TSPOAP1: variants seen among roughly 807,000 people sequenced by gnomAD.
The protein encoded by TSPOAP1 is TSPO associated protein 1.
In TSPOAP1, 87 loss-of-function variants were observed where a neutral mutation model predicts 197.0. That is an observed-to-expected ratio of 0.44 (90% CI 0.37 to 0.53). The LOEUF (loss-of-function observed/expected upper bound fraction) is 0.53, where lower values mean the gene tolerates loss of function less well. Ranked by LOEUF, TSPOAP1 falls within the 20% of genes least tolerant of loss-of-function variation. TSPOAP1 has a pLI of 0.00. For synonymous variants in TSPOAP1, 913 were observed against 998.9 expected, an observed-to-expected ratio of 0.91 and a Z score of 1.62; for missense variants, 2,174 against 2,411.3, an observed-to-expected ratio of 0.90 and a Z score of 2.06.
rs1430666925 is a variant in TSPOAP1 at position 58,309,481 on chromosome 17, G to T, written c.3892-101C>A. On this transcript the variant is annotated intron_variant, in intron 21 of 31. Coordinates refer to ENST00000343736, the MANE Select transcript of TSPOAP1 (RefSeq NM_004758.4). This position sits in a 1 kb window ranked among gnomAD's most constrained non-coding sequence, Gnocchi z 5.0. ...ATCTTTGCCCTCAAACGAAGGCAGG[G>T]GTTACGGACAACCCCACAGCCCTCC... 1 of 1,457,410 alleles carries T rather than the reference G, an allele frequency of 6.9e-7. No individual in the cohort carries two copies. Among genetic ancestry groups the T allele is most frequent in the East Asian group, 2.4e-5 (1 of 42,138 alleles). The allele number at this position is 1,457,410 out of a possible 1,614,324, so 90.3% of individuals were successfully genotyped here.
chr17:58,324,445 C>T lies in TSPOAP1; in HGVS notation c.942+366G>A, dbSNP rs1000021468. Reference sequence around the variant, plus strand: ...AGGCGGGCGCTGACGGGGGCGTCCCCGCTCTACGGCGGCGGCGGGAGGAGG... The same window carrying T: ...AGGCGGGCGCTGACGGGGGCGTCCCTGCTCTACGGCGGCGGCGGGAGGAGG... On this transcript the variant is annotated intron_variant, in intron 5 of 31. Transcript: ENST00000343736. This position sits in a 1 kb window ranked among gnomAD's most constrained non-coding sequence, Gnocchi z 5.8. 1.3e-5 allele frequency among the ~76,000 whole-genome samples: 2 copies of T among 151,930 alleles called. No individual in the cohort carries two copies. Among genetic ancestry groups the T allele is most frequent in the African/African-American group, 2.4e-5 (1 of 41,410 alleles).
chr17:58,325,833 A>G, intron 3 of TSPOAP1, 120 bp from the exon 4 acceptor site: 1 of 1,087,858 alleles, frequency 9.2e-7, no homozygotes, highest in Non-Finnish European at 1.3e-6. Context: ...ACCTGCTTCC[A>G]CCTTGACTGG....
At position 58,306,405 on chromosome 17, in the gene TSPOAP1, G is replaced by A; in HGVS notation, c.5161C>T (p.Pro1721Ser). The change falls in exon 26 of 32, where the codon CCG (proline) becomes TCG (serine). Residue 1721 changes from proline to serine, a missense_variant. Transcript: ENST00000343736. ...DILLEGSGNG[P>S]FVYSTAHTTG... The stretch of plus-strand genomic sequence containing the variant: ...GTGTGGGCTGTGGAGTACACAAACG[G>A]ACCATTCCCTGATCCAGAAAAGCAG... The A allele has an allele frequency of 1.9e-6, 3 of 1,555,238 alleles. No homozygotes were observed. The South Asian group carries it at 3.6e-5, about 18-fold the overall frequency.
At chr17:58,308,462 G>C in intron 22 of TSPOAP1, 79 bp downstream of exon 22, 1 of 1,481,878 alleles carries the variant, frequency 6.7e-7, no homozygotes, top group Non-Finnish European at 8.9e-7. Context: ...GCGTGGAATG[G>C]GAGCTGCTGG....
rs1289604162 is a variant in TSPOAP1, at chr17:58,305,881, G to A, written c.5225-16C>T. The A allele has an allele frequency of 6.2e-7, 1 of 1,611,582 alleles. No homozygotes were observed. Among genetic ancestry groups the A allele is most frequent in the Admixed American group, 1.7e-5 (1 of 59,942 alleles). ...TCCGACTCAGCTGTGGAAAGAATGTGCCTGTGAGCCCCCTCCCACCCTGCC... is the reference window on the plus strand; with the variant it reads ...TCCGACTCAGCTGTGGAAAGAATGTACCTGTGAGCCCCCTCCCACCCTGCC... On this transcript the variant is annotated splice_polypyrimidine_tract_variant and intron_variant, in intron 26 of 31. Coordinates refer to ENST00000343736, the MANE Select transcript of TSPOAP1 (RefSeq NM_004758.4).
In TSPOAP1 at chr17:58,306,793, G is replaced by A. The variant is rs745817893; in HGVS notation, c.5152+7C>T. The A allele has an allele frequency of 1.2e-6, 2 of 1,610,978 alleles. No homozygotes were observed. The highest frequency in any genetic ancestry group is 1.7e-6 in the Non-Finnish European group (2 of 1,177,802). On this transcript the variant is annotated splice_region_variant and intron_variant, in intron 25 of 31. Coordinates refer to ENST00000343736, the MANE Select transcript of TSPOAP1 (RefSeq NM_004758.4). ...GGAGGTGGGTGAGGGACAGCAGCAG[G>A]TCATACCTGAGCCCTCAAGGAGAAT...
chr17:58,317,977 T>A (rs893562378), intron 14 of TSPOAP1, among the ~76,000 whole-genome samples: 1 of 152,208 alleles, frequency 6.6e-6, no homozygotes. Flanking sequence ...AACAGTCTCA[T>A]TATGCAGATC....
At chr17:58,318,950 C>G (rs1298925124) in intron 13 of TSPOAP1, 140 bp downstream of exon 13, 1 of 981,302 alleles carries the variant, frequency 1.0e-6, no homozygotes, top group Non-Finnish European at 1.4e-6. Flanking sequence ...CCCAACAGAA[C>G]GTGGTTCTAG....
rs140451947 is a variant in TSPOAP1 at position 58,316,801 on chromosome 17, G to A, written c.1873-261C>T. Among the ~76,000 whole-genome samples the A allele has an allele frequency of 3.6e-3, 549 of 152,354 alleles. 1 individual carries two copies. The highest frequency in any genetic ancestry group is 0.013 in the African/African-American group (525 of 41,588). On this transcript the variant is annotated intron_variant, in intron 14 of 31. Coordinates refer to ENST00000343736, the MANE Select transcript of TSPOAP1 (RefSeq NM_004758.4). ...CCCTCCCTGAGCCTCTACTGCACCC[G>A]CCAGGAAATAAAGCCACTTCCCTCA... is the stretch of plus-strand genomic sequence containing the variant.
intron 14 of TSPOAP1, among the ~76,000 whole-genome samples, chr17:58,316,939 A>C (rs560932977): frequency 6.6e-6 from 1 of 152,232 alleles, no homozygotes; most frequent in Non-Finnish European, 1.5e-5. Flanking sequence ...GCTCGCGCCT[A>C]TAATTCCAGC....
chr17:58,310,679 C>G lies in TSPOAP1; in HGVS notation c.3532G>C (p.Asp1178His). Residue 1178 changes from aspartate (D) to histidine (H), a missense_variant, in exon 20 of 32, where the codon GAC (aspartate) becomes CAC (histidine). By Grantham distance (81) the Asp-to-His change is moderately conservative. Coordinates refer to ENST00000343736, the MANE Select transcript of TSPOAP1 (RefSeq NM_004758.4). Reference protein sequence around the residue: ...TASTSTLGEKDPGPAAPSLAK... With the variant: ...TASTSTLGEKHPGPAAPSLAK... ...AGTGAGGGAGCTGCGGGGCCAGGGTCCTTCTCACCCAGGGTAGATGTGCTG... is the reference window on the plus strand; with the variant it reads ...AGTGAGGGAGCTGCGGGGCCAGGGTGCTTCTCACCCAGGGTAGATGTGCTG... 1 of 1,612,812 alleles carries G rather than the reference C, an allele frequency of 6.2e-7. No individual in the cohort carries two copies. Among genetic ancestry groups the G allele is most frequent in the Non-Finnish European group, 8.5e-7 (1 of 1,179,900 alleles).
Position 58,327,790 on chromosome 17 carries a change from T to G in TSPOAP1, c.131A>C (p.Asp44Ala). 6.2e-7 allele frequency: 1 copy of G among 1,614,174 alleles called. No individual in the cohort carries two copies. Among genetic ancestry groups the G allele is most frequent in the Non-Finnish European group, 8.5e-7 (1 of 1,180,042 alleles). Residue 44 changes from aspartate to alanine, a missense_variant, in exon 1 of 32, where the codon GAT becomes GCT. Transcript: ENST00000343736. ...EPSSAAPSIA[D>A]TPPAALQLQE... Reference sequence around the variant, plus strand: ...AAGCTGCAGAGCTGCCGGAGGAGTATCAGCGATGCTTGGGGCTGCACTGCT... The same window carrying G: ...AAGCTGCAGAGCTGCCGGAGGAGTAGCAGCGATGCTTGGGGCTGCACTGCT...
chr17:58,312,343 A>G lies in TSPOAP1; in HGVS notation c.2478T>C (p.Cys826=), dbSNP rs749172616. ...EQVELHGFHI[C]VNGELRQALG... The stretch of plus-strand genomic sequence containing the variant: ...GGGCCTGTCGCAGCTCCCCATTCAC[A>G]CAGATATGGAAGCCGTGTAGCTCCA... Residue 826 remains cysteine, a synonymous_variant, in exon 17 of 32, where the codon TGT becomes TGC. Transcript: ENST00000343736. The G allele has an allele frequency of 1.2e-6, 2 of 1,612,318 alleles. No homozygotes were observed. Among genetic ancestry groups the G allele is most frequent in the East Asian group, 2.2e-5 (1 of 44,864 alleles).
In TSPOAP1 at chr17:58,311,623, G is replaced by A. The variant is rs1183681079; in HGVS notation, c.3029C>T (p.Thr1010Ile). 6.2e-7 allele frequency: 1 copy of A among 1,610,538 alleles called. No individual in the cohort carries two copies. The highest frequency in any genetic ancestry group is 8.5e-7 in the Non-Finnish European group (1 of 1,177,652). ...WLPVTIDAAGTSNGVRVTGYA... is the reference protein window; with the variant it reads ...WLPVTIDAAGISNGVRVTGYA... ...GCCTGTGACCCGGACACCGTTGGAT[G>A]TGCCAGCAGCATCGATGGTGACTGG... The change falls in exon 18 of 32, where the codon ACA becomes ATA. Residue 1010 changes from threonine to isoleucine, a missense_variant. Physicochemically the swap from Thr to Ile is moderately conservative, Grantham distance 89. Around this residue, in one of 5 missense-constraint regions of TSPOAP1, gnomAD observed 1,933 missense variants for 2,139.0 expected, o/e 0.90. Transcript: ENST00000343736.
rs937141334 is a variant in TSPOAP1 at position 58,311,876 on chromosome 17, G to A, written c.2929+16C>T. 20 of 1,522,110 alleles carry A rather than the reference G, an allele frequency of 1.3e-5. No homozygotes were observed. Among genetic ancestry groups the A allele is most frequent in the Non-Finnish European group, 1.8e-5 (20 of 1,135,500 alleles). 94.3% of individuals were successfully genotyped at this position (1,522,110 alleles called of 1,614,324 possible). Reference sequence around the variant, plus strand: ...CCTCCTGGGTGTTCTGGACAACAGGGCCCAAGCCCACATACCTGCTGGGAG... The same window carrying A: ...CCTCCTGGGTGTTCTGGACAACAGGACCCAAGCCCACATACCTGCTGGGAG... On this transcript the variant is annotated intron_variant, in intron 17 of 31. Transcript: ENST00000343736.
chr17:58,312,845 C>A, intron 16 of TSPOAP1, 123 bp from the exon 17 acceptor site: 1 of 697,634 alleles, frequency 1.4e-6, no homozygotes, highest in Non-Finnish European at 2.3e-6. Context: ...TGATTCAAAT[C>A]AACATTTAAC....
At position 58,324,891 on chromosome 17, in the gene TSPOAP1, G is replaced by C. The variant is rs757204709; in HGVS notation, c.862C>G (p.Leu288Val). ...QIALRNQRET[L>V]PLPPSWPPGP... Reference sequence around the variant, plus strand: ...GGGGGCCAGGACGGCGGGAGCGGGAGCGTCTCCCGCTGGTTGCGCAGCGCG... The same window carrying C: ...GGGGGCCAGGACGGCGGGAGCGGGACCGTCTCCCGCTGGTTGCGCAGCGCG... The change falls in exon 5 of 32, where the codon CTC (leucine) becomes GTC (valine). Residue 288 changes from leucine (L) to valine (V), a missense_variant. Around this residue, in one of 5 missense-constraint regions of TSPOAP1, gnomAD observed 1,933 missense variants for 2,139.0 expected, o/e 0.90. Transcript: ENST00000343736. This position sits in a 1 kb window ranked among gnomAD's most constrained non-coding sequence, Gnocchi z 5.8. 310 of 1,532,976 alleles carry C rather than the reference G, an allele frequency of 2.0e-4. 2 individuals carry two copies. The highest frequency in any genetic ancestry group is 4.5e-5 in the Non-Finnish European group (51 of 1,144,594). The allele number at this position is 1,532,976 out of a possible 1,614,324, so 95.0% of individuals were successfully genotyped here. A position where few individuals can be genotyped will look rare whatever the true frequency, so the allele number is the denominator to read the frequency against.
chr17:58,304,808 G>C lies in TSPOAP1; in HGVS notation c.5544+253C>G. On this transcript the variant is annotated intron_variant, in intron 30 of 31. Transcript: ENST00000343736. The surrounding 1 kb of genome is among the most constrained non-coding windows in gnomAD (Gnocchi z 4.2). Reference sequence around the variant, plus strand: ...CCCCCTCACCTGCGTCAGCCACCAGGTGTTGGCAGCTGGCGAGATGGCCTG... The same window carrying C: ...CCCCCTCACCTGCGTCAGCCACCAGCTGTTGGCAGCTGGCGAGATGGCCTG... 1 of 625,298 alleles carries C rather than the reference G, an allele frequency of 1.6e-6. No individual in the cohort carries two copies. Among genetic ancestry groups the C allele is most frequent in the Non-Finnish European group, 2.9e-6 (1 of 339,676 alleles). 38.7% of individuals were successfully genotyped at this position (625,298 alleles called of 1,614,324 possible).
rs747153855 is a variant in TSPOAP1 at position 58,310,523 on chromosome 17, G to T, written c.3688C>A (p.Pro1230Thr). Residue 1230 changes from proline (P) to threonine (T), a missense_variant, in exon 20 of 32, where the codon CCC becomes ACC. Physicochemically the swap from Pro to Thr is conservative, Grantham distance 38. Coordinates refer to ENST00000343736, the MANE Select transcript of TSPOAP1 (RefSeq NM_004758.4). ...CCCCAAACCCCTACCTCAGCCCTGG[G>T]CCTCAGCCCAGACCCTGGGTCTCCT... is the stretch of plus-strand genomic sequence containing the variant. ...QGGDPGSGLR[P>T]RAEKEDTAEL... 2.2e-5 allele frequency: 36 copies of T among 1,613,200 alleles called. No homozygotes were observed. The highest frequency in any genetic ancestry group is 3.1e-5 in the Non-Finnish European group (36 of 1,179,962).
Sources: allele counts gnomAD v4.1 joint callset (sites outside exome capture counted in the v4.1 genomes callset), GRCh38; gene constraint gnomAD v4.1.1; regional missense constraint gnomAD v4.1.1; non-coding constraint Gnocchi (gnomAD v3.1); transcripts MANE v1.5; gene names NCBI Gene and HGNC (gene_info 2026-07-23, HGNC 2026-07-21).